The following PHACTR2 variants were observed in gnomAD, a reference collection of about 807,000 sequenced individuals.
The protein encoded by PHACTR2 is chromosome 6 open reading frame 56.
Under a neutral mutation model 76.0 loss-of-function variants are expected in PHACTR2, and 30 were observed. The observed-to-expected ratio is 0.39, with a 90% CI of 0.30 to 0.54. PHACTR2 has a LOEUF of 0.54. Among genes scored for constraint, PHACTR2 ranks in the 20% least tolerant of loss-of-function variants. The probability of loss-of-function intolerance (pLI) is 0.61; values close to 1 mark genes in which losing one functional copy is unlikely to be tolerated. For synonymous variants in PHACTR2, 292 were observed against 292.5 expected, an observed-to-expected ratio of 1.00 and a Z score of 0.02; for missense variants, 696 against 781.1, an observed-to-expected ratio of 0.89 and a Z score of 1.30.
Position 143,537,228 on chromosome 6 carries a change from G to T in PHACTR2, c.217+21G>T. Reference sequence around the variant, plus strand: ...CTCAGGTAAGAGCGGCTCGGGGCGCGGGCCGGGGAGGGCCGGCCGCGGGCA... The same window carrying T: ...CTCAGGTAAGAGCGGCTCGGGGCGCTGGCCGGGGAGGGCCGGCCGCGGGCA... On this transcript the variant is annotated intron_variant, in intron 1 of 11. Coordinates refer to the PHACTR2 transcript ENST00000367584. This position sits in a 1 kb window ranked among gnomAD's most constrained non-coding sequence, Gnocchi z 4.4. 2 of 209,564 alleles carry T rather than the reference G, an allele frequency of 9.5e-6. No homozygotes were observed. The highest frequency in any genetic ancestry group is 1.9e-5 in the Non-Finnish European group (2 of 105,656). The allele number at this position is 209,564 out of a possible 1,614,324, so 13.0% of individuals were successfully genotyped here. A position where few individuals can be genotyped will look rare whatever the true frequency, so the allele number is the denominator to read the frequency against.
Position 143,647,723 on chromosome 6 carries a change from G to C in PHACTR2, c.13+39401G>C, listed in dbSNP as rs1326006100. Among the ~76,000 whole-genome samples, 1 of 152,198 alleles carries C rather than the reference G, an allele frequency of 6.6e-6. No individual in the cohort carries two copies. The highest frequency in any genetic ancestry group is 1.5e-5 in the Non-Finnish European group (1 of 68,038). On this transcript the variant is annotated intron_variant, in intron 1 of 11. Coordinates refer to the PHACTR2 transcript ENST00000305766. This position sits in a 1 kb window ranked among gnomAD's most constrained non-coding sequence, Gnocchi z 4.2. Reference sequence around the variant, plus strand: ...AGGAAACCTTGCAGATATCTTGGGAGAAGAGCACCTGTACAGAAAGAACAG... The same window carrying C: ...AGGAAACCTTGCAGATATCTTGGGACAAGAGCACCTGTACAGAAAGAACAG...
rs11155310 is a variant in PHACTR2 at position 143,610,284 on chromosome 6, C to CAA, written c.13+1972_13+1973dup. Among the ~76,000 whole-genome samples, 39 of 147,644 alleles carry CAA rather than the reference C, an allele frequency of 2.6e-4. No individual in the cohort carries two copies. Among genetic ancestry groups the CAA allele is most frequent in the African/African-American group, 9.1e-4 (37 of 40,654 alleles). ...CATTTAAGATAAAACTGGTAAGTGG[C>CAA]AAAAAAAAAAATCTGAAAAATCTGA... On this transcript the variant is annotated intron_variant, in intron 1 of 11. Coordinates refer to the PHACTR2 transcript ENST00000305766. The surrounding 1 kb of genome is among the most constrained non-coding windows in gnomAD (Gnocchi z 4.9).
At position 143,749,173 on chromosome 6, in the gene PHACTR2, G is replaced by A. The variant is rs192163530; in HGVS notation, c.295+108G>A. The A allele has an allele frequency of 7.0e-4, 444 of 636,908 alleles. 9 individuals carry two copies. The Admixed American group carries it at 0.01, about 15-fold the overall frequency. 39.5% of individuals were successfully genotyped at this position (636,908 alleles called of 1,614,324 possible). On this transcript the variant is annotated intron_variant, in intron 3 of 12. Coordinates refer to ENST00000440869, the MANE Select transcript of PHACTR2 (RefSeq NM_001100164.2). The stretch of plus-strand genomic sequence containing the variant: ...GATCATGGTCTTTGTAAGGTAAAGC[G>A]GTGATTACTGCATTCCAAGCGCCGT...
chr6:143,779,912 A>ATAT (rs1317401274), intron 9 of PHACTR2, among the ~76,000 whole-genome samples: 1 of 103,894 alleles, frequency 9.6e-6, no homozygotes, highest in African/African-American at 2.7e-5. Context: ...ATATTATATT[A>ATAT]TATTATATTA....
At chr6:143,725,479 C>T (rs62427405) in intron 2 of PHACTR2, among the ~76,000 whole-genome samples, 97,952 of 150,922 alleles carry the variant, frequency 0.65, 32,558 homozygotes, top group East Asian at 0.79. Context: ...GGATTACAGG[C>T]GTGAGCCACC....
At chr6:143,666,300 C>T (rs1777034722) in intron 1 of PHACTR2, among the ~76,000 whole-genome samples, 1 of 152,100 alleles carries the variant, frequency 6.6e-6, no homozygotes, top group African/African-American at 2.4e-5. Flanking sequence ...GGCTTGGTTC[C>T]AAGTCTTTGC....
At position 143,619,402 on chromosome 6, in the gene PHACTR2, C is replaced by T. The variant is rs2128439561; in HGVS notation, c.13+11080C>T. On this transcript the variant is annotated intron_variant, in intron 1 of 11. Coordinates refer to the PHACTR2 transcript ENST00000305766. This position sits in a 1 kb window ranked among gnomAD's most constrained non-coding sequence, Gnocchi z 4.5. ...GCCACTCAGACAAAATAGGTTTCTACTGTTTCGTGTGCTATTAAGATACTT... is the reference window on the plus strand; with the variant it reads ...GCCACTCAGACAAAATAGGTTTCTATTGTTTCGTGTGCTATTAAGATACTT... 6.6e-6 allele frequency among the ~76,000 whole-genome samples: 1 copy of T among 152,358 alleles called. No individual in the cohort carries two copies. The highest frequency in any genetic ancestry group is 2.1e-4 in the South Asian group (1 of 4,830).
At chr6:143,609,892 A>C (rs185779597) in intron 1 of PHACTR2, among the ~76,000 whole-genome samples, 1 of 152,208 alleles carries the variant, frequency 6.6e-6, no homozygotes, top group Non-Finnish European at 1.5e-5. Context: ...GCTTTGGGGG[A>C]TGTTTTCACA....
At chr6:143,582,988 T>G (rs1775592286) in intron 1 of PHACTR2, among the ~76,000 whole-genome samples, 1 of 152,236 alleles carries the variant, frequency 6.6e-6, no homozygotes, top group Admixed American at 6.5e-5. Flanking sequence ...TTTCAAACTC[T>G]GAAGCACTTA....
rs1168815798 is a variant in PHACTR2, at chr6:143,708,006, A to C, written c.47-4010A>C. On this transcript the variant is annotated intron_variant, in intron 1 of 12. Coordinates refer to ENST00000440869, the MANE Select transcript of PHACTR2 (RefSeq NM_001100164.2). This position sits in a 1 kb window ranked among gnomAD's most constrained non-coding sequence, Gnocchi z 5.5. ...GTATCAAGAGGGGACGGTGCTAAGC[A>C]ATTCATGAAAACTCTGCCACCATGA... Among the ~76,000 whole-genome samples the C allele has an allele frequency of 1.3e-5, 2 of 152,144 alleles. No individual in the cohort carries two copies. The highest frequency in any genetic ancestry group is 1.3e-4 in the Admixed American group (2 of 15,262).
In PHACTR2 at chr6:143,591,937, A is replaced by G. The variant is rs1305108679; in HGVS notation, c.217+54730A>G. 6.6e-6 allele frequency among the ~76,000 whole-genome samples: 1 copy of G among 152,222 alleles called. No homozygotes were observed. Among genetic ancestry groups the G allele is most frequent in the Non-Finnish European group, 1.5e-5 (1 of 68,050 alleles). On this transcript the variant is annotated intron_variant, in intron 1 of 11. Coordinates refer to the PHACTR2 transcript ENST00000367584. The surrounding 1 kb of genome is among the most constrained non-coding windows in gnomAD (Gnocchi z 6.4). ...GATCTATTTTTAGGAGATTGAAGGC[A>G]GATTGTACTTCTGGTCTTCCTAGAC...
At chr6:143,655,898 G>A (rs1039187417) in intron 1 of PHACTR2, among the ~76,000 whole-genome samples, 4 of 152,132 alleles carry the variant, frequency 2.6e-5, no homozygotes, top group East Asian at 1.9e-4. Context: ...TGCTTCCTAC[G>A]AATTGCCATG....
At position 143,537,939 on chromosome 6, in the gene PHACTR2, G is replaced by A. The variant is rs1361554718; in HGVS notation, c.217+732G>A. Among the ~76,000 whole-genome samples, 1 of 152,166 alleles carries A rather than the reference G, an allele frequency of 6.6e-6. No individual in the cohort carries two copies. Among genetic ancestry groups the A allele is most frequent in the African/African-American group, 2.4e-5 (1 of 41,430 alleles). On this transcript the variant is annotated intron_variant, in intron 1 of 11. Transcript: ENST00000367584. This position sits in a 1 kb window ranked among gnomAD's most constrained non-coding sequence, Gnocchi z 4.4. ...CTGGCCAACATGGTCAGGAAACTTCGTCCCTACTAAAAATACAAAAAATTA... is the reference window on the plus strand; with the variant it reads ...CTGGCCAACATGGTCAGGAAACTTCATCCCTACTAAAAATACAAAAAATTA...
In PHACTR2 at chr6:143,600,914, A is replaced by G. The variant is rs115840748; in HGVS notation, c.217+63707A>G. Among the ~76,000 whole-genome samples, 684 of 152,376 alleles carry G rather than the reference A, an allele frequency of 4.5e-3. 8 individuals carry two copies. The highest frequency in any genetic ancestry group is 0.016 in the African/African-American group (646 of 41,594). On this transcript the variant is annotated intron_variant, in intron 1 of 11. Transcript: ENST00000367584. The stretch of plus-strand genomic sequence containing the variant: ...TTGGGCCTATACATTGAGCCTGGCC[A>G]TTCCTGGTAAATATTGTAGAATGAA...
intron 11 of PHACTR2, among the ~76,000 whole-genome samples, chr6:143,798,942 G>C (rs964520196): frequency 6.6e-6 from 1 of 152,136 alleles, no homozygotes; most frequent in Non-Finnish European, 1.5e-5. Flanking sequence ...TATTGATTGG[G>C]ATAGTTTCAG....
chr6:143,759,078 G>A (rs1417600239), intron 4 of PHACTR2, among the ~76,000 whole-genome samples: 1 of 152,152 alleles, frequency 6.6e-6, no homozygotes, highest in Non-Finnish European at 1.5e-5. Flanking sequence ...TTTTGGACTA[G>A]AATGGTATTT....
Position 143,547,066 on chromosome 6 carries a change from G to A in PHACTR2, c.217+9859G>A, listed in dbSNP as rs1775011346. Among the ~76,000 whole-genome samples, 1 of 151,862 alleles carries A rather than the reference G, an allele frequency of 6.6e-6. No individual in the cohort carries two copies. Among genetic ancestry groups the A allele is most frequent in the Admixed American group, 6.6e-5 (1 of 15,236 alleles). Reference sequence around the variant, plus strand: ...AAAAAAAGAATATGGCTTATGGTTAGTAAGTGTTATAGAATTTATGTCTTC... The same window carrying A: ...AAAAAAAGAATATGGCTTATGGTTAATAAGTGTTATAGAATTTATGTCTTC... On this transcript the variant is annotated intron_variant, in intron 1 of 11. Coordinates refer to the PHACTR2 transcript ENST00000367584. The surrounding 1 kb of genome is among the most constrained non-coding windows in gnomAD (Gnocchi z 4.2).
At chr6:143,737,017 C>T (rs1163625708) in intron 2 of PHACTR2, among the ~76,000 whole-genome samples, 17 of 151,782 alleles carry the variant, frequency 1.1e-4, no homozygotes, top group Admixed American at 1.1e-3. Context: ...GATTTGAACA[C>T]AAAGGTATAT....
In PHACTR2 at chr6:143,757,949, A is replaced by T. The variant is rs937883770; in HGVS notation, c.455-2452A>T. ...CTCATATGTCCCTGCGTGTGTGTGC[A>T]TGCACACGTGCGCGCACACACACAC... On this transcript the variant is annotated intron_variant, in intron 4 of 12. Transcript: ENST00000440869. This position sits in a 1 kb window ranked among gnomAD's most constrained non-coding sequence, Gnocchi z 4.2. Among the ~76,000 whole-genome samples the T allele has an allele frequency of 4.7e-5, 6 of 127,464 alleles. No homozygotes were observed. In the East Asian group the frequency reaches 1.1e-3, roughly 23 times the overall value. The allele number at this position is 127,464 out of a possible 152,430, so 83.6% of individuals were successfully genotyped here.
Sources: gnomAD v4.1 joint callset for allele counts (sites outside exome capture counted in the v4.1 genomes callset) on GRCh38, gnomAD v4.1.1 for gene constraint, Gnocchi (gnomAD v3.1) non-coding constraint, MANE v1.5 for transcripts, NCBI Gene and HGNC (gene_info 2026-07-23, HGNC 2026-07-21) for gene names.